The following FCHSD2 variants were observed in gnomAD, a reference collection of about 807,000 sequenced individuals.
FCHSD2 encodes F-BAR and double SH3 domains protein 2.
A neutral mutation model predicts 108.1 loss-of-function variants in FCHSD2; 38 were observed. The ratio of observed to expected loss-of-function variants is 0.35; its 90% CI spans 0.27 to 0.46. The LOEUF (loss-of-function observed/expected upper bound fraction) is 0.46, where lower values mean the gene tolerates loss of function less well. FCHSD2 is among the 20% of genes least tolerant of loss of function. The probability of loss-of-function intolerance (pLI) is 1.00; values close to 1 mark genes in which losing one functional copy is unlikely to be tolerated. For missense variants in FCHSD2, 751 were observed against 897.8 expected (o/e 0.84, Z 2.09); for synonymous variants, 279 against 314.7 (o/e 0.89, Z 1.20).
Position 72,950,743 on chromosome 11 carries a change from C to A in FCHSD2, c.706-28793G>T, listed in dbSNP as rs1304269503. On this transcript the variant is annotated intron_variant, in intron 8 of 19. Coordinates refer to ENST00000409418, the MANE Select transcript of FCHSD2 (RefSeq NM_014824.3). ...TTTTCATTTATAAGAATACTTAACT[C>A]CCACATTATCATTTGGCTTCTCAGA... Among the ~76,000 whole-genome samples, 4 of 152,234 alleles carry A rather than the reference C, an allele frequency of 2.6e-5. No individual in the cohort carries two copies. The East Asian group carries it at 7.7e-4, about 29-fold the overall frequency.
chr11:72,839,847 A>G (rs1675457721), intron 19 of FCHSD2, among the ~76,000 whole-genome samples: 1 of 152,170 alleles, frequency 6.6e-6, no homozygotes, highest in African/African-American at 2.4e-5. Context: ...GTGGAAGTAG[A>G]TGAGGTCATT....
At chr11:72,925,895 G>A (rs879378787) in intron 8 of FCHSD2, among the ~76,000 whole-genome samples, 5 of 152,192 alleles carry the variant, frequency 3.3e-5, no homozygotes, top group African/African-American at 9.6e-5. Context: ...CCTGGTCTAC[G>A]GAGCAGGCAG....
intron 8 of FCHSD2, among the ~76,000 whole-genome samples, chr11:72,935,421 C>T (rs1356172553): frequency 6.6e-6 from 1 of 152,064 alleles, no homozygotes; most frequent in East Asian, 1.9e-4. Flanking sequence ...CTGAGAGCAA[C>T]GGGCATTTCT....
intron 1 of FCHSD2, among the ~76,000 whole-genome samples, 161 bp downstream of exon 1, chr11:73,141,696 A>C (rs920802964): frequency 6.6e-6 from 1 of 151,986 alleles, no homozygotes; most frequent in African/African-American, 2.4e-5. Context: ...GGCAACTCAC[A>C]CGCGCGCCCC....
At chr11:73,013,791 C>T (rs1857911642) in intron 4 of FCHSD2, among the ~76,000 whole-genome samples, 1 of 152,118 alleles carries the variant, frequency 6.6e-6, no homozygotes, top group African/African-American at 2.4e-5. Flanking sequence ...ATCCTTATTT[C>T]TTTGGTAACC....
At chr11:72,862,012 A>T (rs1182299408) in intron 13 of FCHSD2, among the ~76,000 whole-genome samples, 1 of 152,162 alleles carries the variant, frequency 6.6e-6, no homozygotes, top group Non-Finnish European at 1.5e-5. Flanking sequence ...ATATCTGAAT[A>T]ATCATCAATG....
chr11:72,981,167 G>A (rs1164065627), intron 8 of FCHSD2, among the ~76,000 whole-genome samples: 2 of 152,168 alleles, frequency 1.3e-5, no homozygotes, highest in African/African-American at 4.8e-5. Flanking sequence ...AAAACTGAAA[G>A]TATGTTTTCT....
At chr11:72,895,349 C>CA (rs1175142035) in intron 10 of FCHSD2, among the ~76,000 whole-genome samples, 1 of 151,954 alleles carries the variant, frequency 6.6e-6, no homozygotes, top group Non-Finnish European at 1.5e-5. Context: ...CAAACCTTAG[C>CA]AAAAAATATG....
intron 3 of FCHSD2, among the ~76,000 whole-genome samples, chr11:73,069,017 A>T (rs1174380022): frequency 6.6e-6 from 1 of 151,384 alleles, no homozygotes; most frequent in African/African-American, 2.4e-5. Context: ...ATCTCCAAAA[A>T]ACAAAAAAAA....
At chr11:72,861,525 A>G (rs1249917548) in intron 13 of FCHSD2, among the ~76,000 whole-genome samples, 1 of 152,200 alleles carries the variant, frequency 6.6e-6, no homozygotes, top group Non-Finnish European at 1.5e-5. Context: ...ATACTTTTCA[A>G]ATCATTTGGA....
chr11:72,900,139 T>C (rs1855497384), intron 10 of FCHSD2: 2 of 588,172 alleles, frequency 3.4e-6, no homozygotes, highest in Admixed American at 6.5e-5. Flanking sequence ...AGCTGGTGCA[T>C]CAGGGCCTCT....
At chr11:73,057,154 C>G (rs1222856433) in intron 3 of FCHSD2, among the ~76,000 whole-genome samples, 1 of 152,100 alleles carries the variant, frequency 6.6e-6, no homozygotes, top group African/African-American at 2.4e-5. Flanking sequence ...TCGTGAAGTA[C>G]ATAAGGAAAC....
chr11:72,900,228 C>G, intron 10 of FCHSD2: 1 of 1,210,192 alleles, frequency 8.3e-7, no homozygotes, highest in Non-Finnish European at 1.2e-6. Flanking sequence ...CTTCCCATCC[C>G]TCCCGCCCTT....
At chr11:73,100,476 G>C (rs546015473) in intron 2 of FCHSD2, among the ~76,000 whole-genome samples, 3 of 152,010 alleles carry the variant, frequency 2.0e-5, no homozygotes, top group Non-Finnish European at 2.9e-5. Context: ...CGATTCTCCC[G>C]CCTCAGCCTC....
chr11:72,946,735 C>T (rs1445191149), intron 8 of FCHSD2, among the ~76,000 whole-genome samples: 1 of 152,108 alleles, frequency 6.6e-6, no homozygotes, highest in Admixed American at 6.6e-5. Context: ...ATTCTAGGAG[C>T]TTTGTGCAGT....
chr11:73,096,756 G>A (rs945687145), intron 2 of FCHSD2, among the ~76,000 whole-genome samples: 4 of 151,240 alleles, frequency 2.6e-5, no homozygotes, highest in South Asian at 4.2e-4. Context: ...TGTTAAGGAC[G>A]TTTCCATGTT....
rs776802820 is a variant in FCHSD2 at position 72,843,512 on chromosome 11, C to T, written c.1464G>A (p.Leu488=). The change falls in exon 15 of 20, where the codon TTG becomes TTA. Residue 488 remains leucine, a synonymous_variant. Coordinates refer to ENST00000409418, the MANE Select transcript of FCHSD2 (RefSeq NM_014824.3). ...YSYKASQPDE[L]TIEEHEVLEV... The stretch of plus-strand genomic sequence containing the variant: ...CTAACACCTCATGTTCCTCAATGGT[C>T]AACTCATCTGGTTGAGAAGCCTGCA... The T allele has an allele frequency of 6.2e-7, 1 of 1,613,712 alleles. No homozygotes were observed. Among genetic ancestry groups the T allele is most frequent in the South Asian group, 1.1e-5 (1 of 91,084 alleles).
intron 5 of FCHSD2, among the ~76,000 whole-genome samples, chr11:72,999,373 G>A (rs915211572): frequency 3.4e-4 from 51 of 149,524 alleles, no homozygotes; most frequent in Non-Finnish European, 2.2e-4. Flanking sequence ...AGGCTGGAGG[G>A]CAGTGGCACG....
intron 3 of FCHSD2, among the ~76,000 whole-genome samples, chr11:73,060,738 A>T (rs1859140449): frequency 6.6e-6 from 1 of 152,258 alleles, no homozygotes. Flanking sequence ...CTGGGCCAGA[A>T]AAGCAAAGCT....
Sources: allele counts gnomAD v4.1 joint callset (sites outside exome capture counted in the v4.1 genomes callset), GRCh38; gene constraint gnomAD v4.1.1; transcripts MANE v1.5; gene names NCBI Gene and HGNC (gene_info 2026-07-23, HGNC 2026-07-21).